Variants in DNAAF4 observed in about 807,000 individuals in gnomAD.
DNAAF4 encodes the protein dynein assembly factor 4, axonemal.
A neutral mutation model predicts 51.8 loss-of-function variants in DNAAF4; 43 were observed. The observed-to-expected ratio is 0.83, with a 90% confidence interval of 0.65 to 1.07. The LOEUF (loss-of-function observed/expected upper bound fraction) is 1.07. DNAAF4 is among the 50% of genes least tolerant of loss of function. The pLI, the probability that DNAAF4 is intolerant of heterozygous loss-of-function variation, is 0.00. For missense variants in DNAAF4, 581 were observed against 493.0 expected, an observed-to-expected ratio of 1.18 and a Z score of -1.69; for synonymous variants, 194 against 165.6, an observed-to-expected ratio of 1.17 and a Z score of -1.32.
chr15:55,487,550 T>C (rs2058509343), intron 4 of DNAAF4, among the ~76,000 whole-genome samples: 1 of 152,162 alleles, frequency 6.6e-6, no homozygotes, highest in African/African-American at 2.4e-5. Flanking sequence ...ATAATAAATC[T>C]TGCTGCTGCT....
intron 6 of DNAAF4, among the ~76,000 whole-genome samples, chr15:55,449,429 G>A (rs558695315): frequency 2.0e-5 from 3 of 150,846 alleles, no homozygotes; most frequent in South Asian, 4.2e-4. Flanking sequence ...TTGGGAGGCC[G>A]AGCAGGGTGG....
chr15:55,506,449 G>T (rs926679549), intron 1 of DNAAF4, among the ~76,000 whole-genome samples: 25 of 152,116 alleles, frequency 1.6e-4, no homozygotes, highest in South Asian at 1.0e-3. Context: ...TATAATTTAG[G>T]CTGCTCTGTG....
chr15:55,464,031 G>A (rs558278463), intron 5 of DNAAF4, among the ~76,000 whole-genome samples: 1 of 152,204 alleles, frequency 6.6e-6, no homozygotes, highest in Non-Finnish European at 1.5e-5. Flanking sequence ...CAAATCTGAG[G>A]GGATCATATT....
chr15:55,489,023 A>G (rs1332980167), intron 4 of DNAAF4, among the ~76,000 whole-genome samples: 1 of 151,828 alleles, frequency 6.6e-6, no homozygotes, highest in East Asian at 1.9e-4. Context: ...CAGGATGCAG[A>G]GCTTGCAGTG....
intron 5 of DNAAF4, among the ~76,000 whole-genome samples, 184 bp from the exon 6 acceptor site, chr15:55,450,551 T>C (rs568840314): frequency 3.9e-5 from 6 of 152,306 alleles, no homozygotes; most frequent in Admixed American, 2.6e-4. Context: ...ACCTACCTGC[T>C]CTTTATCAAT....
intron 4 of DNAAF4, among the ~76,000 whole-genome samples, chr15:55,487,577 G>A (rs1567030946): frequency 6.6e-6 from 1 of 151,946 alleles, no homozygotes; most frequent in Non-Finnish European, 1.5e-5. Flanking sequence ...TCGGGTCCGC[G>A]CCACCTTTAA....
chr15:55,439,223 T>C (rs2057667661), intron 7 of DNAAF4, among the ~76,000 whole-genome samples: 1 of 152,154 alleles, frequency 6.6e-6, no homozygotes, highest in Non-Finnish European at 1.5e-5. Flanking sequence ...GCCGCAGCCT[T>C]CTGAGTAGCT....
At position 55,466,910 on chromosome 15, in the gene DNAAF4, G is replaced by T. The variant is rs919723978; in HGVS notation, c.637+20C>A. ...TTCACCAACAGGACTCACTACTCAAGAAATTCTTAATCATTTTACCTTTTG... is the reference window on the plus strand; with the variant it reads ...TTCACCAACAGGACTCACTACTCAATAAATTCTTAATCATTTTACCTTTTG... On this transcript the variant is annotated intron_variant, in intron 5 of 9. Coordinates refer to ENST00000321149, the MANE Select transcript of DNAAF4 (RefSeq NM_130810.4). 1.3e-6 allele frequency: 2 copies of T among 1,580,836 alleles called. No individual in the cohort carries two copies. The highest frequency in any genetic ancestry group is 4.5e-5 in the East Asian group (2 of 44,360).
At chr15:55,470,670 AGC>A (rs2058241375) in intron 4 of DNAAF4, among the ~76,000 whole-genome samples, 1 of 151,134 alleles carries the variant, frequency 6.6e-6, no homozygotes, top group Non-Finnish European at 1.5e-5. Flanking sequence ...CCTTCTAGGT[AGC>A]TGGGACACAG....
intron 5 of DNAAF4, among the ~76,000 whole-genome samples, chr15:55,459,024 C>T (rs945214234): frequency 8.7e-5 from 13 of 148,908 alleles, no homozygotes; most frequent in African/African-American, 3.2e-4. Flanking sequence ...TGCAGTGAGC[C>T]GAGATCACGC....
intron 3 of DNAAF4, 76 bp from the exon 4 acceptor site, chr15:55,491,332 C>G (rs2058568332): frequency 1.2e-5 from 17 of 1,441,058 alleles, no homozygotes; most frequent in Non-Finnish European, 1.5e-5. Flanking sequence ...CTTAAATAAA[C>G]TGACCCAGGA....
At chr15:55,489,094 A>C (rs1029798374) in intron 4 of DNAAF4, among the ~76,000 whole-genome samples, 2 of 151,962 alleles carry the variant, frequency 1.3e-5, no homozygotes, top group Non-Finnish European at 2.9e-5. Flanking sequence ...ATCTCAAAAA[A>C]AAAAAACAAA....
At chr15:55,491,813 A>G (rs1332348057) in intron 3 of DNAAF4, among the ~76,000 whole-genome samples, 1 of 143,526 alleles carries the variant, frequency 7.0e-6, no homozygotes, top group Non-Finnish European at 1.5e-5. Flanking sequence ...AATATTTTAT[A>G]TAATATATAT....
At chr15:55,491,547 T>C (rs2058571211) in intron 3 of DNAAF4, among the ~76,000 whole-genome samples, 1 of 149,314 alleles carries the variant, frequency 6.7e-6, no homozygotes, top group Non-Finnish European at 1.5e-5. Flanking sequence ...AGGATGAAGG[T>C]GCAAGGACAC....
At chr15:55,462,429 A>G (rs1322938110) in intron 5 of DNAAF4, among the ~76,000 whole-genome samples, 1 of 152,116 alleles carries the variant, frequency 6.6e-6, no homozygotes, top group African/African-American at 2.4e-5. Context: ...TGACCTCAGG[A>G]GATTGCCTGC....
chr15:55,481,236 T>C (rs1013302175), intron 4 of DNAAF4, among the ~76,000 whole-genome samples: 43 of 152,118 alleles, frequency 2.8e-4, no homozygotes, highest in Admixed American at 6.6e-5. Flanking sequence ...GTGGCTTATA[T>C]CTTTTCCTAG....
At chr15:55,444,579 G>A (rs991515844) in intron 6 of DNAAF4, among the ~76,000 whole-genome samples, 6 of 152,108 alleles carry the variant, frequency 3.9e-5, no homozygotes, top group Admixed American at 6.6e-5. Context: ...CCAATTCTTT[G>A]GGGAAAGTCA....
At chr15:55,424,958 C>T (rs2057417849) in intron 7 of DNAAF4, among the ~76,000 whole-genome samples, 1 of 151,926 alleles carries the variant, frequency 6.6e-6, no homozygotes, top group Non-Finnish European at 1.5e-5. Context: ...CGTCACCTCC[C>T]AGGTTCAAGC....
chr15:55,424,279 T>C (rs2057411853), intron 7 of DNAAF4, among the ~76,000 whole-genome samples: 1 of 152,226 alleles, frequency 6.6e-6, no homozygotes, highest in Admixed American at 6.5e-5. Context: ...TGTTATCATA[T>C]AGCAAGAAGG....
Sources: gnomAD v4.1 joint callset for allele counts (sites outside exome capture counted in the v4.1 genomes callset) on GRCh38, gnomAD v4.1.1 for gene constraint, MANE v1.5 for transcripts, NCBI Gene and HGNC (gene_info 2026-07-23, HGNC 2026-07-21) for gene names.